The following TSPAN9 variants were observed in gnomAD, a reference collection of about 807,000 sequenced individuals.
The protein encoded by TSPAN9 is tetraspanin-9.
Under a neutral mutation model 31.0 loss-of-function variants are expected in TSPAN9, and 16 were observed. The ratio of observed to expected loss-of-function variants is 0.52; its 90% CI spans 0.35 to 0.78. The LOEUF is 0.78. Ranked by LOEUF, TSPAN9 falls within the 30% of genes least tolerant of loss-of-function variation. The pLI is 0.01. For missense variants in TSPAN9, 272 were observed against 312.5 expected (o/e 0.87, Z 0.98); for synonymous variants, 145 against 121.6 (o/e 1.19, Z -1.27).
chr12:3,162,376 T>C (rs1216516404), intron 2 of TSPAN9, among the ~76,000 whole-genome samples: 1 of 152,202 alleles, frequency 6.6e-6, no homozygotes. Context: ...TGCAGCTGCA[T>C]GCTAAATAAT....
intron 3 of TSPAN9, chr12:3,215,289 G>A (rs916087770): frequency 5.9e-5 from 9 of 152,296 alleles, no homozygotes; most frequent in African/African-American, 1.4e-4. Context: ...GCTGGGGGAA[G>A]GCTTGGGCTA....
In TSPAN9 at chr12:3,143,276, A is replaced by G. The variant is rs1363423069; in HGVS notation, c.-17-57901A>G. 1.3e-5 allele frequency among the ~76,000 whole-genome samples: 2 copies of G among 148,366 alleles called. No individual in the cohort carries two copies. The highest frequency in any genetic ancestry group is 3.0e-5 in the Non-Finnish European group (2 of 67,290). ...TTTATAGTTATATTAATCATAATTA[A>G]TAATATTTATAATTATATTAATTAT... On this transcript the variant is annotated intron_variant, in intron 2 of 8. Coordinates refer to ENST00000011898, the MANE Select transcript of TSPAN9 (RefSeq NM_006675.5). The surrounding 1 kb of genome is among the most constrained non-coding windows in gnomAD (Gnocchi z 4.2).
At chr12:3,263,793 G>C (rs1351733959) in intron 3 of TSPAN9, among the ~76,000 whole-genome samples, 3 of 152,198 alleles carry the variant, frequency 2.0e-5, no homozygotes, top group East Asian at 1.9e-4. Context: ...CAGAGTGTTG[G>C]GGGGTGAGGG....
At chr12:3,201,435 CCT>C (rs1181321137) in intron 3 of TSPAN9, among the ~76,000 whole-genome samples, 179 bp downstream of exon 3, 1 of 152,142 alleles carries the variant, frequency 6.6e-6, no homozygotes, top group Non-Finnish European at 1.5e-5. Context: ...TTCCTTTCTC[CCT>C]CTCTTTGGTG....
intron 3 of TSPAN9, among the ~76,000 whole-genome samples, chr12:3,209,985 AATT>A (rs770999174): frequency 0.12 from 7,210 of 60,792 alleles, 2,146 homozygotes; most frequent in Non-Finnish European, 0.19. Context: ...AAAAAAAAAA[AATT>A]AGCCGGGTGT....
chr12:3,249,341 G>A (rs1157307201), intron 3 of TSPAN9, among the ~76,000 whole-genome samples: 2 of 152,096 alleles, frequency 1.3e-5, no homozygotes, highest in East Asian at 1.9e-4. Flanking sequence ...CTTCCTGCCC[G>A]CATGGCTCCT....
Position 3,284,681 on chromosome 12 carries a change from T to C in TSPAN9, c.*1565T>C, listed in dbSNP as rs1207658561. ...ACTGCAGCTGGTCTGGCTTACTGTT[T>C]TGCCGTTCAAAAAGGTCGCGAATCC... On this transcript the variant is annotated 3_prime_UTR_variant, in exon 9 of 9. Coordinates refer to ENST00000011898, the MANE Select transcript of TSPAN9 (RefSeq NM_006675.5). 6.6e-6 allele frequency: 1 copy of C among 152,296 alleles called. No homozygotes were observed. The highest frequency in any genetic ancestry group is 1.5e-5 in the Non-Finnish European group (1 of 68,036). The allele number at this position is 152,296 out of a possible 1,614,324, so 9.4% of individuals were successfully genotyped here. A position where few individuals can be genotyped will look rare whatever the true frequency, so the allele number is the denominator to read the frequency against.
rs942001693 is a variant in TSPAN9, at chr12:3,174,775, G to C, written c.-17-26402G>C. Among the ~76,000 whole-genome samples, 7 of 147,892 alleles carry C rather than the reference G, an allele frequency of 4.7e-5. No individual in the cohort carries two copies. The Admixed American group carries it at 4.8e-4, about 10-fold the overall frequency. On this transcript the variant is annotated intron_variant, in intron 2 of 8. Coordinates refer to ENST00000011898, the MANE Select transcript of TSPAN9 (RefSeq NM_006675.5). ...TTTTTTGTATTTTTAGTAGAGACGG[G>C]GTTTCACCGTGTTAGCCAGGATGGT...
intron 3 of TSPAN9, among the ~76,000 whole-genome samples, chr12:3,249,066 T>C (rs1862196195): frequency 6.6e-6 from 1 of 152,260 alleles, no homozygotes; most frequent in Non-Finnish European, 1.5e-5. Context: ...TCCCTGTCCC[T>C]AGTTCCTCTT....
intron 2 of TSPAN9, among the ~76,000 whole-genome samples, chr12:3,179,936 C>T (rs886472627): frequency 3.3e-5 from 5 of 152,086 alleles, no homozygotes. Context: ...AGAGTGAATC[C>T]CAGTGTATTT....
chr12:3,092,762 C>G (rs898014419), intron 2 of TSPAN9, among the ~76,000 whole-genome samples: 3 of 152,244 alleles, frequency 2.0e-5, no homozygotes, highest in African/African-American at 7.2e-5. Flanking sequence ...CAAGGATGGT[C>G]CTTCCCTGAG....
At chr12:3,277,740 G>A (rs918382528) in intron 3 of TSPAN9, among the ~76,000 whole-genome samples, 3 of 152,214 alleles carry the variant, frequency 2.0e-5, no homozygotes, top group Admixed American at 6.5e-5. Flanking sequence ...GTTGCTTTTC[G>A]GTTTGGGGGC....
At chr12:3,282,409 T>C (rs1862912936) in intron 8 of TSPAN9, among the ~76,000 whole-genome samples, 1 of 152,124 alleles carries the variant, frequency 6.6e-6, no homozygotes. Flanking sequence ...TTTCTTTTTT[T>C]AAGAGACAGG....
At chr12:3,153,700 G>A (rs753726861) in intron 2 of TSPAN9, among the ~76,000 whole-genome samples, 2 of 151,978 alleles carry the variant, frequency 1.3e-5, no homozygotes, top group African/African-American at 4.8e-5. Flanking sequence ...ATGTGTGTGC[G>A]TGTGTGTCTG....
chr12:3,272,559 T>G (rs767625162), intron 3 of TSPAN9, among the ~76,000 whole-genome samples: 14 of 151,050 alleles, frequency 9.3e-5, no homozygotes, highest in Non-Finnish European at 1.8e-4. Flanking sequence ...CCCGGCCGTG[T>G]GTGTGTGTTT....
intron 3 of TSPAN9, among the ~76,000 whole-genome samples, chr12:3,260,705 G>C (rs1862432544): frequency 6.6e-6 from 1 of 152,222 alleles, no homozygotes; most frequent in Non-Finnish European, 1.5e-5. Flanking sequence ...GAAGTCAGGT[G>C]CTCCTGGAAT....
At chr12:3,255,455 T>G (rs1199744376) in intron 3 of TSPAN9, among the ~76,000 whole-genome samples, 1 of 148,166 alleles carries the variant, frequency 6.7e-6, no homozygotes, top group Non-Finnish European at 1.5e-5. Context: ...CCAGCTCTAT[T>G]ATTAAACTTT....
chr12:3,156,302 G>T (rs1337351824), intron 2 of TSPAN9, among the ~76,000 whole-genome samples: 2 of 152,124 alleles, frequency 1.3e-5, no homozygotes, highest in Non-Finnish European at 2.9e-5. Context: ...CTGCCTTCCA[G>T]TGCTGGGCCT....
chr12:3,283,251 C>T lies in TSPAN9; in HGVS notation c.*135C>T. 1 of 851,302 alleles carries T rather than the reference C, an allele frequency of 1.2e-6. No individual in the cohort carries two copies. The highest frequency in any genetic ancestry group is 2.9e-5 in the East Asian group (1 of 34,034). The allele number at this position is 851,302 out of a possible 1,614,324, so 52.7% of individuals were successfully genotyped here. A position where few individuals can be genotyped will look rare whatever the true frequency, so the allele number is the denominator to read the frequency against. On this transcript the variant is annotated 3_prime_UTR_variant, in exon 9 of 9. Coordinates refer to ENST00000011898, the MANE Select transcript of TSPAN9 (RefSeq NM_006675.5). ...CCACAGCCTGCCCTACCCCACCTAC[C>T]CTGCCTCAGCCTCGGACTTCTCAGT...
Sources: allele counts gnomAD v4.1 joint callset (sites outside exome capture counted in the v4.1 genomes callset), GRCh38; gene constraint gnomAD v4.1.1; non-coding constraint Gnocchi (gnomAD v3.1); transcripts MANE v1.5; gene names NCBI Gene and HGNC (gene_info 2026-07-23, HGNC 2026-07-21).